The following SYNE1 variants were observed in gnomAD, a reference collection of about 807,000 sequenced individuals.
SYNE1 encodes the protein nesprin-1.
Under a neutral mutation model 1,111.0 loss-of-function variants are expected in SYNE1, and 616 were observed. The observed-to-expected ratio is 0.55, with a 90% CI of 0.52 to 0.59. The LOEUF (loss-of-function observed/expected upper bound fraction) is 0.59, where lower values mean the gene tolerates loss of function less well. Among genes scored for constraint, SYNE1 ranks in the 20% least tolerant of loss-of-function variants. The pLI is 0.00. For synonymous variants in SYNE1, 3,855 were observed against 3,825.8 expected (o/e 1.01, Z -0.28); for missense variants, 10,006 against 10,417.0 (o/e 0.96, Z 1.72).
chr6:152,224,553 G>C lies in SYNE1; in HGVS notation c.21463C>G (p.Arg7155Gly). 6.2e-7 allele frequency: 1 copy of C among 1,613,982 alleles called. No homozygotes were observed. Among genetic ancestry groups the C allele is most frequent in the Non-Finnish European group, 8.5e-7 (1 of 1,179,940 alleles). ...AAGGAGCCAGTCAGCAGACGGAATCGGGAAAGAGAGTATCTGGCCTCCATG... is the reference window on the plus strand; with the variant it reads ...AAGGAGCCAGTCAGCAGACGGAATCCGGAAAGAGAGTATCTGGCCTCCATG... ...YLMEARYSLS[R>G]FRLLTGSLEA... is the part of the protein sequence containing the mutation. The change falls in exon 117 of 146, where the codon CGA (arginine) becomes GGA (glycine). Residue 7155 changes from arginine (R) to glycine (G), a missense_variant. Around this residue, in one of 7 missense-constraint regions of SYNE1, gnomAD observed 2,182 missense variants for 2,287.8 expected, o/e 0.95. Transcript: ENST00000367255.
At chr6:152,375,508 A>G (rs2097264107) in intron 58 of SYNE1, among the ~76,000 whole-genome samples, 1 of 152,236 alleles carries the variant, frequency 6.6e-6, no homozygotes, top group South Asian at 2.1e-4. Context: ...AGCAATTTCA[A>G]TAACTGTGCT....
At chr6:152,262,285 A>C (rs1200589826) in intron 100 of SYNE1, 97 bp from the exon 101 acceptor site, 1 of 1,130,120 alleles carries the variant, frequency 8.8e-7, no homozygotes, top group Non-Finnish European at 1.3e-6. Flanking sequence ...TCTCAAATGA[A>C]ATAAGATTAC....
chr6:152,433,717 A>G (rs2098449507), intron 34 of SYNE1, 78 bp downstream of exon 34: 2 of 1,549,556 alleles, frequency 1.3e-6, no homozygotes, highest in Non-Finnish European at 1.8e-6. Context: ...CTGGGACCGA[A>G]CAGCATTTGA....
At chr6:152,422,710 T>C (rs2098285307) in intron 39 of SYNE1, among the ~76,000 whole-genome samples, 2 of 152,192 alleles carry the variant, frequency 1.3e-5, no homozygotes, top group Admixed American at 1.3e-4. Flanking sequence ...GGTCTTGCTA[T>C]GTTGCCCAGG....
Position 152,350,638 on chromosome 6 carries a change from C to A in SYNE1, c.11713G>T (p.Asp3905Tyr), listed in dbSNP as rs1160601620. Reference protein sequence around the residue: ...KIDQLQSDYQDLCSIGKEHVF... With the variant: ...KIDQLQSDYQYLCSIGKEHVF... The stretch of plus-strand genomic sequence containing the variant: ...CTTACCTTTCCTATGCTGCACAGGT[C>A]CTGGTAATCACTTTGAAGTTGATCT... The change falls in exon 71 of 146, where the codon GAC (aspartate) becomes TAC (tyrosine). Residue 3905 changes from aspartate (D) to tyrosine (Y), a missense_variant. This residue lies in a region of SYNE1 where 4,955 missense variants were observed against 5,017.2 expected (regional missense o/e 0.99). Coordinates refer to ENST00000367255, the MANE Select transcript of SYNE1 (RefSeq NM_182961.4). The A allele has an allele frequency of 6.2e-7, 1 of 1,614,100 alleles. No homozygotes were observed. The highest frequency in any genetic ancestry group is 8.5e-7 in the Non-Finnish European group (1 of 1,180,016).
intron 51 of SYNE1, among the ~76,000 whole-genome samples, chr6:152,392,783 T>C (rs1329630890): frequency 6.6e-6 from 1 of 152,194 alleles, no homozygotes; most frequent in Non-Finnish European, 1.5e-5. Context: ...AAGCAATGAT[T>C]TGAGTTAAAT....
At chr6:152,208,982 A>G (rs1218933243) in intron 124 of SYNE1, among the ~76,000 whole-genome samples, 1 of 151,762 alleles carries the variant, frequency 6.6e-6, no homozygotes, top group Non-Finnish European at 1.5e-5. Context: ...TTAAAAAAAT[A>G]TAGGTAGTTC....
chr6:152,313,082 A>G (rs868738972), intron 87 of SYNE1, among the ~76,000 whole-genome samples: 7 of 152,364 alleles, frequency 4.6e-5, no homozygotes, highest in African/African-American at 1.7e-4. Context: ...AAGACAACAA[A>G]GCAAAAAATC....
At chr6:152,153,807 C>G (rs1048043680) in intron 133 of SYNE1, among the ~76,000 whole-genome samples, 1 of 152,168 alleles carries the variant, frequency 6.6e-6, no homozygotes, top group Non-Finnish European at 1.5e-5. Flanking sequence ...ATTCAGACAT[C>G]AGAGTAATTC....
At chr6:152,432,424 T>C (rs1489394285) in intron 34 of SYNE1, among the ~76,000 whole-genome samples, 2 of 152,194 alleles carry the variant, frequency 1.3e-5, no homozygotes, top group African/African-American at 4.8e-5. Flanking sequence ...CTAGCAAATA[T>C]CTTTTTCCTG....
At chr6:152,625,038 C>A (rs1331069495) in intron 3 of SYNE1, among the ~76,000 whole-genome samples, 1 of 152,134 alleles carries the variant, frequency 6.6e-6, no homozygotes, top group Non-Finnish European at 1.5e-5. Context: ...TTATACATAT[C>A]TAGACAAAGA....
Position 152,220,938 on chromosome 6 carries a change from A to C in SYNE1, c.21765T>G (p.Val7255=). 1 of 1,614,170 alleles carries C rather than the reference A, an allele frequency of 6.2e-7. No individual in the cohort carries two copies. The highest frequency in any genetic ancestry group is 2.2e-5 in the East Asian group (1 of 44,886). The change falls in exon 119 of 146, where the codon GTT becomes GTG. Residue 7255 remains valine (V), a synonymous_variant. Transcript: ENST00000367255. ...KDYSKQCAST[V]QQQEDRTNEL... ...CATTGGTTCGATCCTCCTGCTGCTG[A>C]ACTGTCGAAGCACACTGTTTGGAGT...
At chr6:152,627,798 C>T (rs901405819) in intron 3 of SYNE1, among the ~76,000 whole-genome samples, 2 of 152,094 alleles carry the variant, frequency 1.3e-5, no homozygotes, top group Admixed American at 6.6e-5. Flanking sequence ...CCTCTTTTGC[C>T]TCATTTTTCT....
intron 44 of SYNE1, 42 bp from the exon 45 acceptor site, chr6:152,407,238 G>GT (rs1563775767): frequency 4.4e-6 from 7 of 1,594,156 alleles, no homozygotes; most frequent in Non-Finnish European, 5.2e-6. Flanking sequence ...AGTCAGAGGC[G>GT]TAAGATGATC....
chr6:152,630,930 G>A (rs2099696862), intron 2 of SYNE1, among the ~76,000 whole-genome samples: 1 of 152,148 alleles, frequency 6.6e-6, no homozygotes, highest in Non-Finnish European at 1.5e-5. Flanking sequence ...ATTAAACTCA[G>A]AATTTCCCTG....
At position 152,148,188 on chromosome 6, in the gene SYNE1, A is replaced by T; in HGVS notation, c.24833T>A (p.Val8278Glu). The change falls in exon 137 of 146, where the codon GTG (valine) becomes GAG (glutamate). Residue 8278 changes from valine (V) to glutamate (E), a missense_variant. Physicochemically the swap from Val to Glu is moderately radical, Grantham distance 121. Coordinates refer to ENST00000367255, the MANE Select transcript of SYNE1 (RefSeq NM_182961.4). The surrounding 1 kb of genome is among the most constrained non-coding windows in gnomAD (Gnocchi z 4.1). The stretch of plus-strand genomic sequence containing the variant: ...ATCCCACTCCAGGGGGATGGAGTCC[A>T]CACTAGCCGGGGTGTCTCGTCCTGA... ...ERSGRDTPASVDSIPLEWDHD... is the reference protein window; with the variant it reads ...ERSGRDTPASEDSIPLEWDHD... 6.2e-7 allele frequency: 1 copy of T among 1,614,174 alleles called. No individual in the cohort carries two copies. Among genetic ancestry groups the T allele is most frequent in the Non-Finnish European group, 8.5e-7 (1 of 1,180,030 alleles).
chr6:152,454,589 T>C (rs2098680515), intron 24 of SYNE1, among the ~76,000 whole-genome samples: 1 of 152,220 alleles, frequency 6.6e-6, no homozygotes, highest in Non-Finnish European at 1.5e-5. Context: ...GGCAGTCAAG[T>C]AGATAAAGAC....
At chr6:152,399,320 G>A (rs2097777966) in intron 48 of SYNE1, among the ~76,000 whole-genome samples, 1 of 152,118 alleles carries the variant, frequency 6.6e-6, no homozygotes, top group African/African-American at 2.4e-5. Flanking sequence ...CTTGAGCAGT[G>A]GAAGTAATTT....
chr6:152,584,311 C>A (rs1250488373), intron 3 of SYNE1, among the ~76,000 whole-genome samples: 1 of 152,074 alleles, frequency 6.6e-6, no homozygotes, highest in African/African-American at 2.4e-5. Context: ...TCATACTATA[C>A]TTTAACTTTT....
Sources: allele counts gnomAD v4.1 joint callset (sites outside exome capture counted in the v4.1 genomes callset), GRCh38; gene constraint gnomAD v4.1.1; regional missense constraint gnomAD v4.1.1; non-coding constraint Gnocchi (gnomAD v3.1); transcripts MANE v1.5; gene names NCBI Gene and HGNC (gene_info 2026-07-23, HGNC 2026-07-21).